FAM227B: variants seen among roughly 807,000 people sequenced by gnomAD.
The protein encoded by FAM227B is family with sequence similarity 227 member B, also known as protein FAM227B.
Under a neutral mutation model 73.8 loss-of-function variants are expected in FAM227B, and 88 were observed. The observed-to-expected ratio is 1.19, with a 90% CI of 1.00 to 1.42. The LOEUF is 1.42. Among genes scored for constraint, FAM227B ranks in the 40% most tolerant of loss-of-function variants. The pLI is 0.00. For missense variants in FAM227B, 632 were observed against 590.9 expected (o/e 1.07, Z -0.72); for synonymous variants, 210 against 190.5 (o/e 1.10, Z -0.84).
rs2039306250 is a variant in FAM227B, at chr15:49,334,222, CA to C, written c.1349+1196del. ...CAAGCTGAATAAGAGACAAACCTAT[CA>C]AGCTCCTTGTCAATTCTTTCCTGCT... On this transcript the variant is annotated intron_variant, in intron 14 of 15. Transcript: ENST00000299338. 3.1e-6 allele frequency: 3 copies of C among 980,604 alleles called. No homozygotes were observed. The African/African-American group carries it at 5.2e-5, about 17-fold the overall frequency. The allele number at this position is 980,604 out of a possible 1,614,324, so 60.7% of individuals were successfully genotyped here. A position where few individuals can be genotyped will look rare whatever the true frequency, so the allele number is the denominator to read the frequency against.
Position 49,327,991 on chromosome 15 carries a change from A to G in FAM227B, c.*577T>C. 1 of 1,613,786 alleles carries G rather than the reference A, an allele frequency of 6.2e-7. No homozygotes were observed. Among genetic ancestry groups the G allele is most frequent in the Non-Finnish European group, 8.5e-7 (1 of 1,179,756 alleles). On this transcript the variant is annotated 3_prime_UTR_variant, in exon 16 of 16. Transcript: ENST00000299338. The stretch of plus-strand genomic sequence containing the variant: ...AAGGGTCACGACTTACTGGAGCAGG[A>G]TGGGGAGGCTGCACAGTATCAATGG...
chr15:49,577,549 G>A, intron 6 of FAM227B, 80 bp downstream of exon 6: 1 of 845,920 alleles, frequency 1.2e-6, no homozygotes, highest in South Asian at 1.9e-5. Flanking sequence ...TTAGAGCCTT[G>A]TTTATATTGT....
At chr15:49,331,478 A>AACTT (rs1346811261) in intron 15 of FAM227B, 2 of 294,318 alleles carry the variant, frequency 6.8e-6, no homozygotes, top group South Asian at 6.2e-5. Context: ...ATTAATGAAA[A>AACTT]ACTTACAATT....
intron 11 of FAM227B, among the ~76,000 whole-genome samples, chr15:49,390,291 T>C (rs2047133128): frequency 6.6e-6 from 1 of 152,032 alleles, no homozygotes. Flanking sequence ...CCATCTTATA[T>C]GCAATGGACA....
chr15:49,520,812 C>A (rs2059728898), intron 10 of FAM227B, among the ~76,000 whole-genome samples: 1 of 152,078 alleles, frequency 6.6e-6, no homozygotes, highest in African/African-American at 2.4e-5. Flanking sequence ...GGGGACACAG[C>A]CAAACCATAT....
chr15:49,328,917 A>G (rs1245237504), intron 15 of FAM227B: 10 of 1,221,560 alleles, frequency 8.2e-6, no homozygotes, highest in African/African-American at 1.5e-5. Context: ...AAAAACTTAG[A>G]TAAAAAACAC....
chr15:49,583,897 G>A (rs1050394580), intron 5 of FAM227B, among the ~76,000 whole-genome samples: 7 of 152,052 alleles, frequency 4.6e-5, no homozygotes, highest in African/African-American at 7.2e-5. Flanking sequence ...TAAAGCCCAC[G>A]ACCAGATAAA....
intron 9 of FAM227B, among the ~76,000 whole-genome samples, chr15:49,549,904 G>GCGGGGGGCTGACCCCCCCCACCTCC (rs2072568442): frequency 8.7e-6 from 1 of 114,950 alleles, no homozygotes; most frequent in South Asian, 2.7e-4. Context: ...GGTTGGCCGG[G>GCGGGGGGCTGACCCCCCCCACCTCC]CGGGGGGCTG....
In FAM227B at chr15:49,428,367, T is replaced by C. The variant is rs146630632; in HGVS notation, c.1013-56968A>G. ...TCCAAAGTACACATTCAAAATGAAG[T>C]AAATATTCATTTTCTCTGCAGAAGA... On this transcript the variant is annotated intron_variant, in intron 11 of 15. Transcript: ENST00000299338. 4.9e-4 allele frequency among the ~76,000 whole-genome samples: 75 copies of C among 151,984 alleles called. No homozygotes were observed. The East Asian group carries it at 0.014, about 28-fold the overall frequency.
chr15:49,593,741 T>C (rs1364439504), intron 3 of FAM227B, among the ~76,000 whole-genome samples: 4 of 152,216 alleles, frequency 2.6e-5, no homozygotes, highest in African/African-American at 4.8e-5. Flanking sequence ...TCCAACTCCA[T>C]CCAGGTTGCT....
Position 49,544,227 on chromosome 15 carries a change from C to T in FAM227B, c.748-2421G>A, listed in dbSNP as rs532275368. Among the ~76,000 whole-genome samples, 4 of 151,944 alleles carry T rather than the reference C, an allele frequency of 2.6e-5. No individual in the cohort carries two copies. The East Asian group carries it at 7.7e-4, about 29-fold the overall frequency. On this transcript the variant is annotated intron_variant, in intron 9 of 15. Transcript: ENST00000299338. ...TTTCACCTCCTTGGTTAGGTATATT[C>T]CCAAGTTATTTATTTATTTAATTTA...
intron 11 of FAM227B, among the ~76,000 whole-genome samples, chr15:49,446,321 A>G (rs1296620883): frequency 1.3e-5 from 2 of 151,640 alleles, no homozygotes; most frequent in Non-Finnish European, 3.0e-5. Context: ...CAGTACTCAT[A>G]GAGCACCTTC....
intron 11 of FAM227B, among the ~76,000 whole-genome samples, chr15:49,441,357 G>A (rs1278087921): frequency 3.3e-5 from 5 of 151,492 alleles, no homozygotes; most frequent in Non-Finnish European, 5.9e-5. Flanking sequence ...CATATGTCTT[G>A]GATTCAGCCC....
intron 9 of FAM227B, among the ~76,000 whole-genome samples, chr15:49,550,331 C>G (rs1347940176): frequency 4.7e-5 from 5 of 105,912 alleles, no homozygotes; most frequent in African/African-American, 1.1e-4. Context: ...GGCCGGGCGG[C>G]GGGCTGACCC....
chr15:49,619,384 A>G (rs2078511875), intron 1 of FAM227B, among the ~76,000 whole-genome samples: 1 of 152,246 alleles, frequency 6.6e-6, no homozygotes, highest in East Asian at 1.9e-4. Flanking sequence ...AGGCAAGGTC[A>G]GAAAAGGTCA....
chr15:49,580,345 C>T (rs77314254), intron 5 of FAM227B, among the ~76,000 whole-genome samples: 8,408 of 152,262 alleles, frequency 0.055, 330 homozygotes, highest in East Asian at 0.13. Flanking sequence ...TAAGCACCAT[C>T]TACTGAATCA....
At chr15:49,401,045 C>T (rs1335757665) in intron 11 of FAM227B, among the ~76,000 whole-genome samples, 57 of 152,254 alleles carry the variant, frequency 3.7e-4, no homozygotes, top group African/African-American at 1.2e-3. Context: ...AAAGAAACTA[C>T]CATCAGAGTG....
At position 49,480,064 on chromosome 15, in the gene FAM227B, T is replaced by C. The variant is rs558050663; in HGVS notation, c.1012+28147A>G. On this transcript the variant is annotated intron_variant, in intron 11 of 15. Coordinates refer to ENST00000299338, the MANE Select transcript of FAM227B (RefSeq NM_152647.3). ...TTGTAGGACATGGAACAAAATAGAC[T>C]AGAAAATAGGGTTGATAAGCTACTG... Among the ~76,000 whole-genome samples the C allele has an allele frequency of 2.2e-4, 33 of 152,302 alleles. 1 individual carries two copies. In the South Asian group the frequency reaches 3.9e-3, roughly 18 times the overall value.
chr15:49,581,701 A>G (rs1266612685), intron 5 of FAM227B, among the ~76,000 whole-genome samples: 1 of 152,196 alleles, frequency 6.6e-6, no homozygotes, highest in African/African-American at 2.4e-5. Flanking sequence ...AGAAGAAATA[A>G]GATCTTTTTC....
Sources: gnomAD v4.1 joint callset for allele counts (sites outside exome capture counted in the v4.1 genomes callset) on GRCh38, gnomAD v4.1.1 for gene constraint, MANE v1.5 for transcripts, NCBI Gene and HGNC (gene_info 2026-07-23, HGNC 2026-07-21) for gene names.